The following RELN variants were observed in gnomAD, a reference collection of about 807,000 sequenced individuals.
The protein encoded by RELN is reelin.
In RELN, 108 loss-of-function variants were observed where a neutral mutation model predicts 427.6. The ratio of observed to expected loss-of-function variants is 0.25; its 90% CI spans 0.22 to 0.30. The LOEUF is 0.30. Among genes scored for constraint, RELN ranks in the 10% least tolerant of loss-of-function variants. The pLI, the probability that RELN is intolerant of heterozygous loss-of-function variation, is 1.00. For missense variants in RELN, 3,715 were observed against 4,302.8 expected, an observed-to-expected ratio of 0.86 and a Z score of 3.82; for synonymous variants, 1,524 against 1,513.4, an observed-to-expected ratio of 1.01 and a Z score of -0.16.
At chr7:103,743,367 T>C (rs1424941625) in intron 6 of RELN, among the ~76,000 whole-genome samples, 1 of 152,002 alleles carries the variant, frequency 6.6e-6, no homozygotes, top group Non-Finnish European at 1.5e-5. Flanking sequence ...ACAAGCAAAA[T>C]AACCAGCTAA....
Position 103,594,301 on chromosome 7 carries a change from G to A in RELN, c.3711+20C>T, listed in dbSNP as rs1831487671. 2 of 1,604,326 alleles carry A rather than the reference G, an allele frequency of 1.2e-6. No individual in the cohort carries two copies. Among genetic ancestry groups the A allele is most frequent in the Admixed American group, 1.7e-5 (1 of 59,988 alleles). ...TTTTATAATTATCTGTCTTCTTGGA[G>A]TTCAGACATAGGAGAATACCTGAGG... On this transcript the variant is annotated intron_variant, in intron 26 of 64. Transcript: ENST00000428762.
intron 1 of RELN, among the ~76,000 whole-genome samples, chr7:103,926,099 C>CTTGTTTTTTTTT: frequency 1.1e-5 from 1 of 90,074 alleles, no homozygotes; most frequent in Non-Finnish European, 2.0e-5. Flanking sequence ...CCCACCCCGC[C>CTTGTTTTTTTTT]TTTTTTTTTT....
rs141734795 is a variant in RELN at position 103,968,924 on chromosome 7, T to G, written c.226+20207A>C. 1.4e-3 allele frequency among the ~76,000 whole-genome samples: 206 copies of G among 152,280 alleles called. No homozygotes were observed. The highest frequency in any genetic ancestry group is 4.8e-3 in the African/African-American group (199 of 41,568). ...ACCAGATTTAATTAAAATTTCAGAA[T>G]CATGAAAAAGAAATGACCTATTTAA... On this transcript the variant is annotated intron_variant, in intron 1 of 64. Transcript: ENST00000428762. This position sits in a 1 kb window ranked among gnomAD's most constrained non-coding sequence, Gnocchi z 4.3.
intron 57 of RELN, among the ~76,000 whole-genome samples, chr7:103,494,024 C>G (rs1223257633): frequency 6.6e-6 from 1 of 152,080 alleles, no homozygotes; most frequent in Admixed American, 6.5e-5. Flanking sequence ...TCAACTCAAT[C>G]AAATATAATA....
chr7:103,685,229 T>C (rs746800722), intron 10 of RELN, among the ~76,000 whole-genome samples: 53 of 152,142 alleles, frequency 3.5e-4, no homozygotes, highest in African/African-American at 9.2e-4. Context: ...TTTTAAAAAA[T>C]TGGTCTCGAT....
At chr7:103,675,091 C>T (rs1008388053) in intron 11 of RELN, among the ~76,000 whole-genome samples, 1 of 152,150 alleles carries the variant, frequency 6.6e-6, no homozygotes, top group Non-Finnish European at 1.5e-5. Flanking sequence ...AAGCTGAAGT[C>T]AAATTGTCTC....
At chr7:103,552,092 A>C (rs1212352776) in intron 40 of RELN, among the ~76,000 whole-genome samples, 1 of 151,938 alleles carries the variant, frequency 6.6e-6, no homozygotes, top group Non-Finnish European at 1.5e-5. Context: ...CCTCTCACCT[A>C]CTTCTTCCCA....
intron 28 of RELN, among the ~76,000 whole-genome samples, chr7:103,576,431 T>A (rs908499178): frequency 2.0e-5 from 3 of 152,182 alleles, no homozygotes; most frequent in Non-Finnish European, 2.9e-5. Flanking sequence ...TGAGCCACCA[T>A]GCGCAGATTG....
chr7:103,572,308 G>A (rs1281274014), intron 30 of RELN, 48 bp from the exon 31 acceptor site: 1 of 1,023,122 alleles, frequency 9.8e-7, no homozygotes, highest in South Asian at 1.3e-5. Flanking sequence ...GTTCAGAAGA[G>A]CTGTAAGCAT....
At chr7:103,615,932 G>A (rs371230634) in intron 20 of RELN, among the ~76,000 whole-genome samples, 1 of 152,064 alleles carries the variant, frequency 6.6e-6, no homozygotes, top group Non-Finnish European at 1.5e-5. Flanking sequence ...CAGAAAAAAG[G>A]CTCTTTTATA....
At chr7:103,979,511 A>AT (rs1056631884) in intron 1 of RELN, among the ~76,000 whole-genome samples, 4 of 152,212 alleles carry the variant, frequency 2.6e-5, no homozygotes, top group Admixed American at 1.3e-4. Context: ...ACAGAAAGTG[A>AT]TTTTTGAAGA....
chr7:103,697,394 G>A (rs1833998068), intron 10 of RELN, among the ~76,000 whole-genome samples: 1 of 151,970 alleles, frequency 6.6e-6, no homozygotes, highest in African/African-American at 2.4e-5. Context: ...CCTCTACTTG[G>A]AGTCCCTATT....
intron 46 of RELN, among the ~76,000 whole-genome samples, chr7:103,527,566 G>A (rs1482808563): frequency 6.6e-6 from 1 of 152,200 alleles, no homozygotes; most frequent in Middle Eastern, 3.2e-3. Context: ...GGCTGTATGT[G>A]TTGCAGCTAT....
chr7:103,494,272 A>G (rs904606078), intron 57 of RELN, among the ~76,000 whole-genome samples: 20 of 152,248 alleles, frequency 1.3e-4, no homozygotes, highest in Admixed American at 7.9e-4. Context: ...GATTTTTACT[A>G]TTAACTGTCA....
At chr7:103,745,012 C>T (rs1459714597) in intron 6 of RELN, among the ~76,000 whole-genome samples, 1 of 152,172 alleles carries the variant, frequency 6.6e-6, no homozygotes, top group African/African-American at 2.4e-5. Flanking sequence ...TGCAAAAATC[C>T]TCAGTAAAAT....
At chr7:103,930,266 TTTC>T (rs1165476710) in intron 1 of RELN, among the ~76,000 whole-genome samples, 1 of 152,144 alleles carries the variant, frequency 6.6e-6, no homozygotes, top group African/African-American at 2.4e-5. Context: ...TGTATCCACA[TTTC>T]TTCTTCTTAT....
At chr7:103,691,379 G>A (rs1326473557) in intron 10 of RELN, among the ~76,000 whole-genome samples, 1 of 152,110 alleles carries the variant, frequency 6.6e-6, no homozygotes, top group African/African-American at 2.4e-5. Context: ...AGAGTAATAT[G>A]TACTGTGAAT....
intron 2 of RELN, among the ~76,000 whole-genome samples, chr7:103,843,303 C>G (rs193211711): frequency 6.6e-6 from 1 of 152,158 alleles, no homozygotes; most frequent in Non-Finnish European, 1.5e-5. Context: ...TTTCCAGGCT[C>G]AAGCAATCCT....
chr7:103,572,752 G>A (rs1002333921), intron 30 of RELN, among the ~76,000 whole-genome samples: 12 of 151,512 alleles, frequency 7.9e-5, no homozygotes, highest in Admixed American at 5.3e-4. Context: ...GTGAAACCCC[G>A]TCTCTACTAA....
Sources: gnomAD v4.1 joint callset for allele counts (sites outside exome capture counted in the v4.1 genomes callset) on GRCh38, gnomAD v4.1.1 for gene constraint, Gnocchi (gnomAD v3.1) non-coding constraint, MANE v1.5 for transcripts, NCBI Gene and HGNC (gene_info 2026-07-23, HGNC 2026-07-21) for gene names.